The following FUT8 variants were observed in gnomAD, a reference collection of about 807,000 sequenced individuals.
FUT8 encodes the protein fucosyltransferase 8.
In FUT8, 29 loss-of-function variants were observed where a neutral mutation model predicts 71.3. That is an observed-to-expected ratio of 0.41 (90% CI 0.30 to 0.55). FUT8 has a LOEUF of 0.55. Among genes scored for constraint, FUT8 ranks in the 20% least tolerant of loss-of-function variants. The pLI, the probability that FUT8 is intolerant of heterozygous loss-of-function variation, is 0.34. For synonymous variants in FUT8, 254 were observed against 239.3 expected (o/e 1.06, Z -0.57); for missense variants, 544 against 702.1 (o/e 0.77, Z 2.55).
chr14:65,515,448 C>T (rs1882645848), intron 2 of FUT8, among the ~76,000 whole-genome samples: 2 of 151,228 alleles, frequency 1.3e-5, no homozygotes, highest in South Asian at 4.2e-4. Flanking sequence ...CTTGAACATA[C>T]CTTTTTCTTT....
At chr14:65,592,324 C>G (rs986217325) in intron 3 of FUT8, among the ~76,000 whole-genome samples, 9 of 148,256 alleles carry the variant, frequency 6.1e-5, no homozygotes, top group Non-Finnish European at 1.4e-4. Flanking sequence ...GAGAACTGAC[C>G]TATTATCTAT....
At position 65,629,597 on chromosome 14, in the gene FUT8, A is replaced by G. The variant is rs769410999; in HGVS notation, c.588A>G (p.Thr196=). ...DLTELVQRRI[T]YLQNPKDCSK... ...CAGAACTGGTTCAGCGGAGAATAAC[A>G]TATCTTCAGGTAAGAAGGTTGGGTT... Residue 196 remains threonine, a synonymous_variant, in exon 6 of 11, where the codon ACA becomes ACG. Transcript: ENST00000673929. 15 of 1,609,488 alleles carry G rather than the reference A, an allele frequency of 9.3e-6. No homozygotes were observed. In the African/African-American group the frequency reaches 9.4e-5, roughly 10 times the overall value.
At chr14:65,430,581 G>T (rs1291904045) in intron 1 of FUT8, among the ~76,000 whole-genome samples, 1 of 152,130 alleles carries the variant, frequency 6.6e-6, no homozygotes, top group Non-Finnish European at 1.5e-5. Flanking sequence ...TCTAGGTTTA[G>T]AATTCCTTTT....
chr14:65,586,647 G>C (rs1422882739), intron 3 of FUT8, among the ~76,000 whole-genome samples: 1 of 152,088 alleles, frequency 6.6e-6, no homozygotes, highest in Non-Finnish European at 1.5e-5. Flanking sequence ...AAAATATAAA[G>C]ACATTAGTCC....
intron 9 of FUT8, among the ~76,000 whole-genome samples, chr14:65,726,669 C>G (rs890878735): frequency 2.0e-5 from 3 of 152,188 alleles, no homozygotes; most frequent in Admixed American, 2.0e-4. Flanking sequence ...CCATATCATT[C>G]CACCCCTGGC....
intron 7 of FUT8, among the ~76,000 whole-genome samples, chr14:65,675,715 C>G (rs189769906): frequency 6.3e-4 from 96 of 152,172 alleles, no homozygotes; most frequent in African/African-American, 2.3e-3. Context: ...AGAGGCCGGG[C>G]GCGGTGGCTC....
chr14:65,429,686 T>G (rs553132266), intron 1 of FUT8, among the ~76,000 whole-genome samples: 6 of 152,008 alleles, frequency 3.9e-5, no homozygotes, highest in African/African-American at 1.4e-4. Flanking sequence ...AACATGGTGA[T>G]ACCCCATCTT....
intron 2 of FUT8, among the ~76,000 whole-genome samples, chr14:65,482,761 T>C (rs2066350943): frequency 6.6e-6 from 1 of 152,128 alleles, no homozygotes; most frequent in Non-Finnish European, 1.5e-5. Context: ...TCTGTGAAAA[T>C]AGATCAGGCC....
chr14:65,693,350 T>A (rs1218856562), intron 7 of FUT8, among the ~76,000 whole-genome samples: 2 of 152,050 alleles, frequency 1.3e-5, no homozygotes, highest in East Asian at 3.9e-4. Context: ...ACCAAAAAAA[T>A]ACGAAAACCA....
At chr14:65,675,609 A>G (rs1177048584) in intron 7 of FUT8, among the ~76,000 whole-genome samples, 1 of 152,134 alleles carries the variant, frequency 6.6e-6, no homozygotes, top group Non-Finnish European at 1.5e-5. Context: ...GAGACTCCAT[A>G]TGGGAGCAAA....
chr14:65,669,502 TG>T lies in FUT8; in HGVS notation c.835+23del. On this transcript the variant is annotated intron_variant, in intron 7 of 10. Transcript: ENST00000673929. This position sits in a 1 kb window ranked among gnomAD's most constrained non-coding sequence, Gnocchi z 4.5. ...TCAGGTAAGGAGCTTGTGCAGCATA[TG>T]AGATCTCTGGGCTGTTTCACTCAAT... 6.6e-7 allele frequency: 1 copy of T among 1,523,706 alleles called. No individual in the cohort carries two copies. Among genetic ancestry groups the T allele is most frequent in the Non-Finnish European group, 9.1e-7 (1 of 1,098,246 alleles). 94.4% of individuals were successfully genotyped at this position (1,523,706 alleles called of 1,614,324 possible). A position where few individuals can be genotyped will look rare whatever the true frequency, so the allele number is the denominator to read the frequency against.
chr14:65,693,353 G>T (rs1270041685), intron 7 of FUT8, among the ~76,000 whole-genome samples: 1 of 151,228 alleles, frequency 6.6e-6, no homozygotes, highest in Non-Finnish European at 1.5e-5. Context: ...AAAAAAATAC[G>T]AAAACCAGTC....
intron 2 of FUT8, among the ~76,000 whole-genome samples, chr14:65,493,637 G>T (rs1225739383): frequency 6.6e-6 from 1 of 151,980 alleles, no homozygotes; most frequent in Non-Finnish European, 1.5e-5. Flanking sequence ...GTAAATAATA[G>T]TATTTACCCT....
At position 65,742,401 on chromosome 14, in the gene FUT8, T is replaced by C. The variant is rs762029978; in HGVS notation, c.1719T>C (p.Ala573=). The C allele has an allele frequency of 8.7e-6, 14 of 1,610,372 alleles. No individual in the cohort carries two copies. The South Asian group carries it at 1.4e-4, about 16-fold the overall frequency. ...ETVKYPTYPE[A]EK is the part of the protein sequence containing the mutation. ...TCAAGTACCCCACATATCCTGAGGC[T>C]GAGAAATAAAGCTCAGATGGAAGAG... The change falls in exon 11 of 11, where the codon GCT becomes GCC. Residue 573 remains alanine (A), a synonymous_variant. Transcript: ENST00000673929.
intron 1 of FUT8, among the ~76,000 whole-genome samples, chr14:65,434,160 G>A (rs1267682127): frequency 1.3e-5 from 2 of 152,180 alleles, no homozygotes; most frequent in Non-Finnish European, 2.9e-5. Context: ...ATTCTAAAAT[G>A]CCTTATACAG....
intron 1 of FUT8, among the ~76,000 whole-genome samples, chr14:65,448,986 A>G (rs2065783008): frequency 6.6e-6 from 1 of 152,332 alleles, no homozygotes; most frequent in Middle Eastern, 3.4e-3. Context: ...GATTTTTGGC[A>G]TATTAGTCTG....
At chr14:65,422,887 G>T (rs565625255) in intron 1 of FUT8, among the ~76,000 whole-genome samples, 1 of 151,904 alleles carries the variant, frequency 6.6e-6, no homozygotes, top group African/African-American at 2.4e-5. Flanking sequence ...TGAACTCCTG[G>T]CCTCAAACGA....
intron 1 of FUT8, among the ~76,000 whole-genome samples, chr14:65,415,774 T>A (rs1308898859): frequency 3.9e-5 from 6 of 152,074 alleles, no homozygotes; most frequent in Admixed American, 3.3e-4. Flanking sequence ...CACTTAACCC[T>A]TATCTCCTGC....
rs148975301 is a variant in FUT8, at chr14:65,721,949, G to A, written c.1010G>A (p.Arg337His). The change falls in exon 8 of 11, where the codon CGC becomes CAC. Residue 337 changes from arginine (R) to histidine (H), a missense_variant. Physicochemically the swap from Arg to His is conservative, Grantham distance 29 (BLOSUM62 0). Coordinates refer to ENST00000673929, the MANE Select transcript of FUT8 (RefSeq NM_001371533.1). ...TCTCAGTTTGTCAAATACTTGATCC[G>A]CCCACAGCCTTGGCTAGAAAAAGAA... The part of the protein sequence containing the change: ...WVSQFVKYLI[R>H]PQPWLEKEIE... The A allele has an allele frequency of 6.8e-6, 11 of 1,614,078 alleles. No individual in the cohort carries two copies. The highest frequency in any genetic ancestry group is 9.3e-6 in the Non-Finnish European group (11 of 1,180,002).
Sources: gnomAD v4.1 joint callset for allele counts (sites outside exome capture counted in the v4.1 genomes callset) on GRCh38, gnomAD v4.1.1 for gene constraint, Gnocchi (gnomAD v3.1) non-coding constraint, MANE v1.5 for transcripts, NCBI Gene and HGNC (gene_info 2026-07-23, HGNC 2026-07-21) for gene names.